The following WDR45 variants were observed in gnomAD, a reference collection of about 807,000 sequenced individuals.
WDR45 encodes the protein WD repeat domain 45.
Under a neutral mutation model 27.3 loss-of-function variants are expected in WDR45, and 2 were observed. That is an observed-to-expected ratio of 0.07 (90% CI 0.03 to 0.23). The LOEUF (loss-of-function observed/expected upper bound fraction) is 0.23. Among genes scored for constraint, WDR45 ranks in the 10% least tolerant of loss-of-function variants. WDR45 has a pLI of 1.00. For synonymous variants in WDR45, 99 were observed against 119.2 expected, an observed-to-expected ratio of 0.83 and a Z score of 1.11; for missense variants, 175 against 311.9, an observed-to-expected ratio of 0.56 and a Z score of 3.31.
In WDR45 at chrX:49,078,114, T is replaced by C. The variant is rs1557084574; in HGVS notation, c.-17-2A>G. ...GAGTCATGGTGCAGGATTGTTCCTC[T>C]GCATACAAATGGGATAAAGATGAGA... On this transcript the variant is annotated splice_acceptor_variant, in intron 1 of 10. Transcript: ENST00000376372. LOFTEE classifies it low-confidence loss of function (5UTR_SPLICE). 5.0e-6 allele frequency: 6 copies of C among 1,206,862 alleles called. No individual in the cohort carries two copies. The highest frequency in any genetic ancestry group is 6.7e-6 in the Non-Finnish European group (6 of 890,913).
chrX:49,076,305 G>C lies in WDR45; in HGVS notation c.436+125C>G. On this transcript the variant is annotated intron_variant, in intron 6 of 10. Coordinates refer to ENST00000376372, the MANE Select transcript of WDR45 (RefSeq NM_001029896.2). Reference sequence around the variant, plus strand: ...AAAGATGGAGAGGCTATGAGTGTGAGCATCTCCCTGCCTCTTTCCCCATTT... The same window carrying C: ...AAAGATGGAGAGGCTATGAGTGTGACCATCTCCCTGCCTCTTTCCCCATTT... 6 of 742,997 alleles carry C rather than the reference G, an allele frequency of 8.1e-6. 1 individual carries two copies. In the South Asian group the frequency reaches 1.5e-4, roughly 18 times the overall value. The allele number at this position is 742,997 out of a possible 1,213,427, so 61.2% of individuals were successfully genotyped here.
intron 2 of WDR45, among the ~76,000 whole-genome samples, chrX:49,089,466 C>T (rs2147825069): frequency 9.1e-6 from 1 of 110,314 alleles, no homozygotes. Flanking sequence ...GTGATCTCAG[C>T]TCACTACAAC....
At chrX:49,095,578 A>G (rs1349506380) in intron 2 of WDR45, among the ~76,000 whole-genome samples, 1 of 107,926 alleles carries the variant, frequency 9.3e-6, no homozygotes, top group Non-Finnish European at 1.9e-5. Flanking sequence ...CTCCTGCCTC[A>G]GCCTCCCGAG....
chrX:49,090,486 C>G (rs1476868871), intron 2 of WDR45, among the ~76,000 whole-genome samples: 1 of 111,989 alleles, frequency 8.9e-6, no homozygotes, highest in African/African-American at 3.2e-5. Flanking sequence ...TACCTTACAA[C>G]TATAAGAAAA....
rs1557084284 is a variant in WDR45, at chrX:49,076,566, C to T, written c.342-42G>A. On this transcript the variant is annotated intron_variant, in intron 5 of 10. Coordinates refer to ENST00000376372, the MANE Select transcript of WDR45 (RefSeq NM_001029896.2). ...ACACAGGATGGCCGTGAGGGGGTGG[C>T]GGGATGCCCAGGGAGGACTATCCCT... 13 of 1,204,548 alleles carry T rather than the reference C, an allele frequency of 1.1e-5. No individual in the cohort carries two copies. In the South Asian group the frequency reaches 1.2e-4, roughly 11 times the overall value.
intron 4 of WDR45, chrX:49,077,441 G>A: frequency 2.1e-6 from 1 of 472,018 alleles, no homozygotes; most frequent in Non-Finnish European, 3.8e-6. Flanking sequence ...TGGCACACAG[G>A]AGGCACTCAA....
upstream of WDR45, among the ~76,000 whole-genome samples, chrX:49,083,037 G>A (rs1312755898): frequency 2.7e-5 from 3 of 111,422 alleles, no homozygotes; most frequent in Admixed American, 1.9e-4. Context: ...GCACCACCAC[G>A]CCCGGCTAAT....
chrX:49,092,255 G>A (rs782640006), intron 2 of WDR45, among the ~76,000 whole-genome samples: 1 of 109,803 alleles, frequency 9.1e-6, no homozygotes, highest in Non-Finnish European at 1.9e-5. Flanking sequence ...GATGAGGTGG[G>A]GCAGTTAGGA....
intron 2 of WDR45, among the ~76,000 whole-genome samples, chrX:49,096,789 C>T (rs1557087359): frequency 9.0e-6 from 1 of 111,579 alleles, no homozygotes; most frequent in African/African-American, 3.3e-5. Flanking sequence ...GAGTTTCGCT[C>T]TGTCGCCAGG....
At chrX:49,085,854 T>C (rs2065084632) in intron 2 of WDR45, among the ~76,000 whole-genome samples, 1 of 112,034 alleles carries the variant, frequency 8.9e-6, no homozygotes, top group South Asian at 3.7e-4. Context: ...AGACTCTGTC[T>C]CTAAAAATAA....
intron 2 of WDR45, among the ~76,000 whole-genome samples, chrX:49,091,516 G>C (rs1421983011): frequency 9.5e-6 from 1 of 105,106 alleles, no homozygotes; most frequent in Non-Finnish European, 2.0e-5. Flanking sequence ...TTGGGAGGCC[G>C]AGGCGGGTGG....
rs2065039866 is a variant in WDR45, at chrX:49,076,672, A to G, written c.314T>C (p.Val105Ala). The G allele has an allele frequency of 8.3e-7, 1 of 1,210,993 alleles. No individual in the cohort carries two copies. Among genetic ancestry groups the G allele is most frequent in the Non-Finnish European group, 1.1e-6 (1 of 895,061 alleles). The change falls in exon 5 of 11, where the codon GTG (valine) becomes GCG (alanine). Residue 105 changes from valine to alanine, a missense_variant. By Grantham distance (64) the Val-to-Ala change is moderately conservative. Coordinates refer to ENST00000376372, the MANE Select transcript of WDR45 (RefSeq NM_001029896.2). The part of the protein sequence containing the change: ...LVLEFTFTKP[V>A]LSVRMRHDKI... ...GTCATGGCGCATGCGCACAGAAAGCACTGGCTTGGTGAAGGTGAACTCCAG... is the reference window on the plus strand; with the variant it reads ...GTCATGGCGCATGCGCACAGAAAGCGCTGGCTTGGTGAAGGTGAACTCCAG...
chrX:49,091,257 A>G (rs1435632609), intron 2 of WDR45, among the ~76,000 whole-genome samples: 2 of 108,527 alleles, frequency 1.8e-5, no homozygotes, highest in Admixed American at 9.9e-5. Flanking sequence ...CCTGGCCAAC[A>G]TGGCAAAACC....
At chrX:49,100,071 G>C (rs905348242) in intron 2 of WDR45, 1 of 110,419 alleles carries the variant, frequency 9.1e-6, no homozygotes, top group Non-Finnish European at 1.9e-5. Flanking sequence ...TGTCCCTTCA[G>C]CATGTGACTC....
intron 1 of WDR45, among the ~76,000 whole-genome samples, chrX:49,078,447 G>A (rs781850566): frequency 1.8e-5 from 2 of 111,724 alleles, no homozygotes; most frequent in Non-Finnish European, 3.8e-5. Flanking sequence ...GCTTGAACCC[G>A]AGAGGCTGAG....
intron 2 of WDR45, among the ~76,000 whole-genome samples, chrX:49,098,030 C>A (rs1427009789): frequency 9.0e-6 from 1 of 111,216 alleles, no homozygotes. Context: ...TGGCTCACTG[C>A]GGCCTCTAAT....
intron 2 of WDR45, among the ~76,000 whole-genome samples, chrX:49,090,566 T>G (rs1374828172): frequency 1.8e-5 from 2 of 110,997 alleles, no homozygotes; most frequent in Non-Finnish European, 3.8e-5. Flanking sequence ...AGATGGAGTT[T>G]TTTGCTCTTG....
Position 49,098,113 on chromosome X carries a change from G to C in WDR45, c.-18+2092C>G, listed in dbSNP as rs916557578. Among the ~76,000 whole-genome samples, 3 of 111,638 alleles carry C rather than the reference G, an allele frequency of 2.7e-5. No individual in the cohort carries two copies. The Admixed American group carries it at 2.9e-4, about 11-fold the overall frequency. On this transcript the variant is annotated intron_variant, in intron 2 of 11. Transcript: ENST00000356463. ...ACCACAAGTGTGTACCACCAAACTG[G>C]GCTAATTTTTTGTAATTTTTGTAGA...
chrX:49,075,191 T>C lies in WDR45; in HGVS notation c.918A>G (p.Ser306=), dbSNP rs781879810. 7 of 1,212,381 alleles carry C rather than the reference T, an allele frequency of 5.8e-6. No individual in the cohort carries two copies. Among genetic ancestry groups the C allele is most frequent in the Non-Finnish European group, 4.5e-6 (4 of 895,588 alleles). ...SLASFTVPAE[S]ACICAFGRNT... is the part of the protein sequence containing the mutation. ...TGCGACCGAAGGCGCAGATGCAAGCTGACTCAGCAGGCACAGTGAAGCTCG... is the reference window on the plus strand; with the variant it reads ...TGCGACCGAAGGCGCAGATGCAAGCCGACTCAGCAGGCACAGTGAAGCTCG... Residue 306 remains serine, a synonymous_variant, in exon 10 of 11, where the codon TCA becomes TCG. Transcript: ENST00000376372.
Sources: gnomAD v4.1 joint callset for allele counts (sites outside exome capture counted in the v4.1 genomes callset) on GRCh38, gnomAD v4.1.1 for gene constraint, MANE v1.5 for transcripts, NCBI Gene and HGNC (gene_info 2026-07-23, HGNC 2026-07-21) for gene names.